The following GRAMD1C variants were observed in gnomAD, a reference collection of about 807,000 sequenced individuals.
The protein encoded by GRAMD1C is GRAM domain containing 1C.
Under a neutral mutation model 97.8 loss-of-function variants are expected in GRAMD1C, and 89 were observed. The ratio of observed to expected loss-of-function variants is 0.91; its 90% CI spans 0.77 to 1.09. GRAMD1C has a LOEUF of 1.09. Among genes scored for constraint, GRAMD1C ranks in the 50% least tolerant of loss-of-function variants. The pLI is 0.00. For missense variants in GRAMD1C, 740 were observed against 766.4 expected, an observed-to-expected ratio of 0.97 and a Z score of 0.41; for synonymous variants, 256 against 267.0, an observed-to-expected ratio of 0.96 and a Z score of 0.40.
In GRAMD1C at chr3:113,885,889, A is replaced by G. The variant is rs944094938; in HGVS notation, c.540+3057A>G. The G allele has an allele frequency of 1.9e-6, 3 of 1,612,728 alleles. No homozygotes were observed. In the African/African-American group the frequency reaches 4.0e-5, roughly 22 times the overall value. On this transcript the variant is annotated intron_variant, in intron 6 of 17. Coordinates refer to ENST00000358160, the MANE Select transcript of GRAMD1C (RefSeq NM_017577.5). ...GGGGCTTACAGGAGCCATCCAGACA[A>G]TGCCATCCCCATCAAATCCTGGTTC...
chr3:113,910,086 TA>T (rs1021397960), intron 9 of GRAMD1C, among the ~76,000 whole-genome samples: 14 of 152,044 alleles, frequency 9.2e-5, no homozygotes, highest in Middle Eastern at 3.4e-3. Flanking sequence ...CATATGGCAT[TA>T]AAAAAAACTT....
chr3:113,924,252 T>C (rs190929134), intron 10 of GRAMD1C, among the ~76,000 whole-genome samples: 1 of 152,256 alleles, frequency 6.6e-6, no homozygotes, highest in East Asian at 1.9e-4. Flanking sequence ...TTTTGTATGG[T>C]TTTTCACATA....
chr3:113,851,911 C>T (rs1933925513), intron 2 of GRAMD1C, among the ~76,000 whole-genome samples: 1 of 152,020 alleles, frequency 6.6e-6, no homozygotes, highest in Non-Finnish European at 1.5e-5. Context: ...CTCTGTCAGC[C>T]AGGCTGGAGT....
At position 113,940,287 on chromosome 3, in the gene GRAMD1C, A is replaced by T; in HGVS notation, c.1850A>T (p.Lys617Ile). The part of the protein sequence containing the change: ...VSRAETIQKN[K>I]DQAHRLKGVL... ...AGAGCAGAAACTATTCAGAAGAATA[A>T]AGATCAGGCCCATCGTTTAAAGGGA... is the stretch of plus-strand genomic sequence containing the variant. Residue 617 changes from lysine to isoleucine, a missense_variant, in exon 17 of 18, where the codon AAA becomes ATA. Coordinates refer to ENST00000358160, the MANE Select transcript of GRAMD1C (RefSeq NM_017577.5). The T allele has an allele frequency of 6.2e-7, 1 of 1,612,166 alleles. No individual in the cohort carries two copies. The highest frequency in any genetic ancestry group is 8.5e-7 in the Non-Finnish European group (1 of 1,178,154).
intron 6 of GRAMD1C, among the ~76,000 whole-genome samples, chr3:113,883,935 C>T (rs1280135048): frequency 6.6e-6 from 1 of 152,042 alleles, no homozygotes; most frequent in African/African-American, 2.4e-5. Context: ...AGCTTGAGTC[C>T]AGGAGTTCAG....
intron 9 of GRAMD1C, chr3:113,913,057 A>T: frequency 1.8e-6 from 2 of 1,125,188 alleles, no homozygotes; most frequent in Non-Finnish European, 2.4e-6. Flanking sequence ...TAGTGTCCTT[A>T]CCATTCTTGC....
At chr3:113,873,960 T>C in intron 3 of GRAMD1C, among the ~76,000 whole-genome samples, 1 of 152,234 alleles carries the variant, frequency 6.6e-6, no homozygotes, top group African/African-American at 2.4e-5. Context: ...GTTTTAGTGA[T>C]GAATACTAGT....
At chr3:113,885,848 C>G (rs1935454734) in intron 6 of GRAMD1C, 1 of 1,611,774 alleles carries the variant, frequency 6.2e-7, no homozygotes, top group Non-Finnish European at 8.5e-7. Flanking sequence ...GCATTGTGAT[C>G]CTGGATAACT....
In GRAMD1C at chr3:113,933,657, AGC is replaced by A; in HGVS notation, c.1352+5_1352+6del. On this transcript the variant is annotated splice_donor_5th_base_variant and intron_variant, in intron 12 of 17. Transcript: ENST00000358160. Reference sequence around the variant, plus strand: ...CAAAACAGAAATGCAGGCTAAGGTGAGCTGCTGTACATGAATGTGTTAGGATA... The same window carrying A: ...CAAAACAGAAATGCAGGCTAAGGTGATGCTGTACATGAATGTGTTAGGATA... The A allele has an allele frequency of 1.3e-6, 2 of 1,598,588 alleles. No homozygotes were observed. The highest frequency in any genetic ancestry group is 1.7e-6 in the Non-Finnish European group (2 of 1,166,772).
At chr3:113,897,208 T>C (rs765321973) in intron 6 of GRAMD1C, among the ~76,000 whole-genome samples, 1 of 152,112 alleles carries the variant, frequency 6.6e-6, no homozygotes, top group Non-Finnish European at 1.5e-5. Context: ...AAGTAGTATA[T>C]GAAGAGGTAA....
At position 113,945,412 on chromosome 3, in the gene GRAMD1C, C is replaced by A; in HGVS notation, c.1923C>A (p.Leu641=). Residue 641 remains leucine (L), a synonymous_variant, in exon 18 of 18, where the codon CTC becomes CTA. Transcript: ENST00000358160. ...IVMLEQLKSS[L]IMLQKTFDLL... is the part of the protein sequence containing the mutation. ...TTTGTTTACAGCTGAAGAGCTCACT[C>A]ATTATGCTTCAGAAAACGTTTGATC... 2.5e-6 allele frequency: 4 copies of A among 1,579,254 alleles called. No homozygotes were observed. Among genetic ancestry groups the A allele is most frequent in the South Asian group, 1.1e-5 (1 of 89,310 alleles).
At chr3:113,905,512 A>G (rs920666312) in intron 8 of GRAMD1C, among the ~76,000 whole-genome samples, 1 of 152,162 alleles carries the variant, frequency 6.6e-6, no homozygotes, top group Non-Finnish European at 1.5e-5. Context: ...TACATCTGCC[A>G]CTTGCTAACT....
chr3:113,939,044 C>G (rs2107380922), intron 15 of GRAMD1C: 1 of 152,186 alleles, frequency 6.6e-6, no homozygotes, highest in South Asian at 2.1e-4. Flanking sequence ...AATGTTTACT[C>G]AAAAGTTGGA....
At chr3:113,938,199 G>T (rs1463651022) in intron 15 of GRAMD1C, 56 bp downstream of exon 15, 1 of 804,952 alleles carries the variant, frequency 1.2e-6, no homozygotes, top group African/African-American at 1.8e-5. Flanking sequence ...TCTTTAACTA[G>T]TTTCCAAAAG....
intron 5 of GRAMD1C, among the ~76,000 whole-genome samples, chr3:113,876,789 G>A (rs1462093629): frequency 2.7e-5 from 4 of 149,492 alleles, no homozygotes; most frequent in Non-Finnish European, 4.4e-5. Flanking sequence ...CTGTGTGAGA[G>A]ACATTAGAAG....
At chr3:113,833,120 C>CTTTTTT (rs200062835) in intron 1 of GRAMD1C, among the ~76,000 whole-genome samples, 12 of 129,468 alleles carry the variant, frequency 9.3e-5, no homozygotes, top group Admixed American at 3.3e-4. Context: ...TTCTTTCTTT[C>CTTTTTT]TTTTTTTTTT....
upstream of GRAMD1C, among the ~76,000 whole-genome samples, chr3:113,834,340 T>C (rs1709604050): frequency 1.3e-5 from 2 of 151,898 alleles, no homozygotes; most frequent in African/African-American, 2.4e-5. Context: ...CCACCACGCC[T>C]GGCTAATTTT....
chr3:113,845,924 T>C (rs1182820800), intron 2 of GRAMD1C, among the ~76,000 whole-genome samples: 1 of 152,134 alleles, frequency 6.6e-6, no homozygotes, highest in Non-Finnish European at 1.5e-5. Context: ...TTTGATTTCC[T>C]ATTAAGAAAC....
intron 3 of GRAMD1C, 151 bp from the exon 4 acceptor site, chr3:113,875,333 T>C (rs1458956990): frequency 3.8e-6 from 2 of 531,608 alleles, no homozygotes; most frequent in Admixed American, 3.2e-5. Context: ...CAGCAAAATA[T>C]CTGACATATG....
Sources: allele counts gnomAD v4.1 joint callset (sites outside exome capture counted in the v4.1 genomes callset), GRCh38; gene constraint gnomAD v4.1.1; transcripts MANE v1.5; gene names NCBI Gene and HGNC (gene_info 2026-07-23, HGNC 2026-07-21).